Variants in WWOX observed in about 807,000 individuals in gnomAD.
The protein encoded by WWOX is WW domain-containing oxidoreductase.
A neutral mutation model predicts 46.2 loss-of-function variants in WWOX; 69 were observed. The ratio of observed to expected loss-of-function variants is 1.49; its 90% CI spans 1.23 to 1.82. The LOEUF (loss-of-function observed/expected upper bound fraction) is 1.82, where lower values mean the gene tolerates loss of function less well. WWOX is among the 40% of genes most tolerant of loss of function. WWOX has a pLI of 0.00. For missense variants in WWOX, 919 were observed against 542.6 expected (o/e 1.69, Z -6.89); for synonymous variants, 359 against 202.6 (o/e 1.77, Z -6.56).
chr16:78,988,166 A>C (rs1187945500), intron 8 of WWOX, among the ~76,000 whole-genome samples: 3 of 151,848 alleles, frequency 2.0e-5, no homozygotes, highest in Non-Finnish European at 4.4e-5. Flanking sequence ...AACATGGTGA[A>C]ACCCCGTCTC....
At chr16:78,453,247 G>A (rs1474410660) in intron 8 of WWOX, among the ~76,000 whole-genome samples, 1 of 151,956 alleles carries the variant, frequency 6.6e-6, no homozygotes, top group Non-Finnish European at 1.5e-5. Context: ...AATATGGTGA[G>A]ACCCTGTCTG....
intron 6 of WWOX, among the ~76,000 whole-genome samples, chr16:78,413,380 AG>A (rs1171444718): frequency 6.6e-6 from 1 of 152,202 alleles, no homozygotes; most frequent in African/African-American, 2.4e-5. Context: ...GAGTCAGCAA[AG>A]GGTGATGGGA....
At chr16:78,467,227 G>A (rs56320405) in intron 8 of WWOX, among the ~76,000 whole-genome samples, 65,374 of 152,004 alleles carry the variant, frequency 0.43, 18,076 homozygotes, top group African/African-American at 0.79. Flanking sequence ...TCCCCTTTCT[G>A]GCAGAGGGCT....
rs113161604 is a variant in WWOX at position 78,232,155 on chromosome 16, A to G, written c.516+67866A>G. Among the ~76,000 whole-genome samples, 827 of 152,332 alleles carry G rather than the reference A, an allele frequency of 5.4e-3. 8 individuals carry two copies. The highest frequency in any genetic ancestry group is 0.019 in the African/African-American group (797 of 41,558). On this transcript the variant is annotated intron_variant, in intron 5 of 8. Transcript: ENST00000566780. The stretch of plus-strand genomic sequence containing the variant: ...AAAAAATGAATGTGGTATTTCACCC[A>G]CAGCCTCAAGAATCACTTTCCTTAA...
chr16:78,691,433 A>C lies in WWOX; in HGVS notation c.1056+258681A>C. ...AACATCTGGCTGGGCATGGTGGTTC[A>C]CACCTGTAATCTCCACACTTTGGGA... On this transcript the variant is annotated intron_variant, in intron 8 of 8. Transcript: ENST00000566780. 6.4e-6 allele frequency: 4 copies of C among 622,518 alleles called. No homozygotes were observed. In the South Asian group the frequency reaches 7.7e-5, roughly 12 times the overall value. The allele number at this position is 622,518 out of a possible 1,614,324, so 38.6% of individuals were successfully genotyped here.
intron 8 of WWOX, among the ~76,000 whole-genome samples, chr16:78,869,109 T>G (rs1056996905): frequency 6.6e-5 from 10 of 152,230 alleles, no homozygotes; most frequent in African/African-American, 1.9e-4. Context: ...TACATTAGTT[T>G]AGAATGAAAT....
intron 8 of WWOX, among the ~76,000 whole-genome samples, chr16:78,451,220 C>T (rs1345547901): frequency 6.6e-6 from 1 of 152,058 alleles, no homozygotes. Context: ...TCCTCCTGAC[C>T]AGGGATGGGT....
Position 78,113,097 on chromosome 16 carries a change from G to T in WWOX, c.231-1879G>T, listed in dbSNP as rs552609401. Among the ~76,000 whole-genome samples the T allele has an allele frequency of 5.5e-4, 84 of 152,272 alleles. 1 individual carries two copies. The highest frequency in any genetic ancestry group is 9.1e-4 in the Non-Finnish European group (62 of 68,018). Reference sequence around the variant, plus strand: ...CGCTTGGAAAGTTACTCCCTGAAATGGGTATTAATCAACCAAGAGCAGCAG... The same window carrying T: ...CGCTTGGAAAGTTACTCCCTGAAATTGGTATTAATCAACCAAGAGCAGCAG... On this transcript the variant is annotated intron_variant, in intron 3 of 8. Transcript: ENST00000566780.
In WWOX at chr16:78,964,224, G is replaced by A. The variant is rs1049836497; in HGVS notation, c.1057-247384G>A. Among the ~76,000 whole-genome samples the A allele has an allele frequency of 1.7e-4, 26 of 152,308 alleles. No homozygotes were observed. In the South Asian group the frequency reaches 1.9e-3, roughly 11 times the overall value. On this transcript the variant is annotated intron_variant, in intron 8 of 8. Coordinates refer to ENST00000566780, the MANE Select transcript of WWOX (RefSeq NM_016373.4). ...CAGGAAGAAGTTAGAACCGTTGGGAGGTCTCAGAAGAAGACAGGAAAATGT... is the reference window on the plus strand; with the variant it reads ...CAGGAAGAAGTTAGAACCGTTGGGAAGTCTCAGAAGAAGACAGGAAAATGT...
At chr16:78,599,190 A>T (rs1419896060) in intron 8 of WWOX, among the ~76,000 whole-genome samples, 3 of 152,210 alleles carry the variant, frequency 2.0e-5, no homozygotes, top group Non-Finnish European at 4.4e-5. Flanking sequence ...ACAGAAATGT[A>T]AATCACCTCC....
intron 8 of WWOX, among the ~76,000 whole-genome samples, chr16:79,050,477 C>A (rs950965498): frequency 6.6e-6 from 1 of 152,162 alleles, no homozygotes; most frequent in African/African-American, 2.4e-5. Context: ...ACTGGCATAC[C>A]CATTCCTCTG....
chr16:79,175,419 C>T (rs929763281), intron 8 of WWOX, among the ~76,000 whole-genome samples: 2 of 152,176 alleles, frequency 1.3e-5, no homozygotes, highest in Non-Finnish European at 1.5e-5. Context: ...ACATGGCCAC[C>T]AGGTCGGCCA....
chr16:78,564,508 C>G (rs922977252), intron 8 of WWOX, among the ~76,000 whole-genome samples: 1 of 152,148 alleles, frequency 6.6e-6, no homozygotes, highest in Non-Finnish European at 1.5e-5. Context: ...GTGGCAGGAT[C>G]TAATGGGAGG....
chr16:78,294,379 G>A (rs113409041), intron 5 of WWOX, among the ~76,000 whole-genome samples: 11 of 151,522 alleles, frequency 7.3e-5, no homozygotes, highest in Non-Finnish European at 1.3e-4. Flanking sequence ...TGTTGTTCCT[G>A]GTCTTGCCAC....
At chr16:78,774,191 A>G (rs537433470) in intron 8 of WWOX, among the ~76,000 whole-genome samples, 6 of 152,304 alleles carry the variant, frequency 3.9e-5, no homozygotes, top group East Asian at 1.9e-4. Context: ...TCATGAGGTC[A>G]GGAGATGGAG....
At chr16:78,439,620 A>G (rs1022821363) in intron 8 of WWOX, among the ~76,000 whole-genome samples, 4 of 152,220 alleles carry the variant, frequency 2.6e-5, no homozygotes, top group African/African-American at 9.6e-5. Flanking sequence ...ACTCCCTTTT[A>G]GTTACATAAT....
intron 8 of WWOX, among the ~76,000 whole-genome samples, chr16:78,887,609 C>G (rs986359227): frequency 3.9e-5 from 6 of 151,998 alleles, no homozygotes; most frequent in East Asian, 3.9e-4. Flanking sequence ...TGCCAAAATC[C>G]ATCAGCCAAT....
intron 6 of WWOX, among the ~76,000 whole-genome samples, chr16:78,404,703 G>T (rs947353037): frequency 3.9e-5 from 6 of 152,162 alleles, no homozygotes; most frequent in Admixed American, 6.5e-5. Context: ...AGGGCACTAT[G>T]TTGAAGTGAG....
chr16:78,279,279 G>A (rs915440974), intron 5 of WWOX, among the ~76,000 whole-genome samples: 1 of 151,826 alleles, frequency 6.6e-6, no homozygotes, highest in African/African-American at 2.4e-5. Context: ...TGTGTGTAGG[G>A]GGACACCTCC....
Sources: allele counts gnomAD v4.1 joint callset (sites outside exome capture counted in the v4.1 genomes callset), GRCh38; gene constraint gnomAD v4.1.1; transcripts MANE v1.5; gene names NCBI Gene and HGNC (gene_info 2026-07-23, HGNC 2026-07-21).